The following BRINP3 variants were observed in gnomAD, a reference collection of about 807,000 sequenced individuals.
BRINP3 encodes BMP/retinoic acid-inducible neural-specific protein 3.
BRINP3 carries 19 observed loss-of-function variants against 71.0 expected under a neutral mutation model. The ratio of observed to expected loss-of-function variants is 0.27; its 90% CI spans 0.19 to 0.39. The LOEUF (loss-of-function observed/expected upper bound fraction) is 0.39. Among genes scored for constraint, BRINP3 ranks in the 10% least tolerant of loss-of-function variants. BRINP3 has a pLI of 1.00. For synonymous variants in BRINP3, 380 were observed against 337.7 expected (o/e 1.13, Z -1.37); for missense variants, 959 against 940.8 (o/e 1.02, Z -0.25).
intron 2 of BRINP3, among the ~76,000 whole-genome samples, chr1:190,361,480 G>A (rs867947761): frequency 1.3e-5 from 2 of 152,068 alleles, no homozygotes; most frequent in Middle Eastern, 3.4e-3. Context: ...TCAGTTCACT[G>A]CAACCCCCGC....
chr1:190,344,297 G>T (rs1054296687), intron 2 of BRINP3, among the ~76,000 whole-genome samples: 29 of 151,348 alleles, frequency 1.9e-4, no homozygotes, highest in Non-Finnish European at 3.2e-4. Flanking sequence ...TTTCAATTTC[G>T]AGCTCAGTAA....
rs528227625 is a variant in BRINP3, at chr1:190,422,620, G to A, written c.236+32035C>T. On this transcript the variant is annotated intron_variant, in intron 2 of 7. Transcript: ENST00000367462. ...GCTGCAGGATTTCTAGAATTTATAA[G>A]GGATGATTTTTCATCTGTAAGTAGC... 2.0e-5 allele frequency among the ~76,000 whole-genome samples: 3 copies of A among 151,814 alleles called. No homozygotes were observed. In the East Asian group the frequency reaches 5.8e-4, roughly 29 times the overall value.
At chr1:190,457,447 A>AAAACAC (rs1393347607) in intron 1 of BRINP3, among the ~76,000 whole-genome samples, 1 of 135,798 alleles carries the variant, frequency 7.4e-6, no homozygotes, top group East Asian at 2.2e-4. Context: ...CTGTCTCAAA[A>AAAACAC]AAACACAAAA....
chr1:190,262,955 G>T (rs779758342), intron 4 of BRINP3, among the ~76,000 whole-genome samples: 2 of 151,948 alleles, frequency 1.3e-5, no homozygotes, highest in African/African-American at 2.4e-5. Context: ...CTTCTCCTGT[G>T]GGAGAAGAGA....
intron 7 of BRINP3, chr1:190,153,987 A>C (rs1330488320): frequency 1.5e-6 from 1 of 656,870 alleles, no homozygotes; most frequent in East Asian, 1.4e-4. Context: ...TTCCTCTCAA[A>C]TAACAGTACA....
At chr1:190,449,725 T>G (rs557525600) in intron 2 of BRINP3, among the ~76,000 whole-genome samples, 2 of 152,148 alleles carry the variant, frequency 1.3e-5, no homozygotes, top group Non-Finnish European at 2.9e-5. Context: ...TGCACTGATA[T>G]GTAGTGGTTT....
At chr1:190,239,186 C>T (rs1658818092) in intron 4 of BRINP3, among the ~76,000 whole-genome samples, 2 of 152,202 alleles carry the variant, frequency 1.3e-5, no homozygotes, top group South Asian at 2.1e-4. Context: ...GTGGGGATTA[C>T]ATTTTGAGAT....
chr1:190,154,986 G>A (rs572990096), intron 7 of BRINP3, among the ~76,000 whole-genome samples: 2 of 152,220 alleles, frequency 1.3e-5, no homozygotes, highest in Admixed American at 1.3e-4. Context: ...AAGCATTCAA[G>A]TGAACAATAC....
intron 2 of BRINP3, among the ~76,000 whole-genome samples, chr1:190,452,008 A>AT (rs1238169824): frequency 5.9e-5 from 9 of 152,238 alleles, no homozygotes; most frequent in African/African-American, 1.4e-4. Context: ...GATGATAGTA[A>AT]TAATAAGCAC....
chr1:190,171,909 C>A (rs899523575), intron 6 of BRINP3, among the ~76,000 whole-genome samples: 25 of 151,710 alleles, frequency 1.6e-4, no homozygotes, highest in Non-Finnish European at 7.4e-5. Flanking sequence ...AAGTTTGAGA[C>A]CAGCCGGCGA....
chr1:190,435,458 C>T (rs924703814), intron 2 of BRINP3, among the ~76,000 whole-genome samples: 5 of 151,186 alleles, frequency 3.3e-5, no homozygotes, highest in African/African-American at 1.2e-4. Flanking sequence ...AACGTGAGAT[C>T]GAGCAGACCA....
intron 3 of BRINP3, among the ~76,000 whole-genome samples, chr1:190,276,851 T>C (rs555355030): frequency 1.3e-5 from 2 of 150,880 alleles, no homozygotes; most frequent in East Asian, 3.9e-4. Context: ...TCAAAATGTA[T>C]ATTATCTTAA....
At chr1:190,329,754 A>G (rs1452978819) in intron 2 of BRINP3, among the ~76,000 whole-genome samples, 1 of 152,050 alleles carries the variant, frequency 6.6e-6, no homozygotes, top group African/African-American at 2.4e-5. Context: ...AAACTATACT[A>G]CGAGGCCACA....
intron 6 of BRINP3, among the ~76,000 whole-genome samples, chr1:190,205,185 A>T (rs928000524): frequency 6.6e-6 from 1 of 151,868 alleles, no homozygotes; most frequent in African/African-American, 2.4e-5. Flanking sequence ...TGCAACATCC[A>T]TGTACTATAG....
chr1:190,295,253 T>C (rs1571661359), intron 2 of BRINP3, among the ~76,000 whole-genome samples: 2 of 152,206 alleles, frequency 1.3e-5, no homozygotes, highest in East Asian at 3.9e-4. Context: ...AGGATGGATC[T>C]AGAAGTGCCA....
At chr1:190,436,522 T>C (rs918860750) in intron 2 of BRINP3, among the ~76,000 whole-genome samples, 1 of 151,788 alleles carries the variant, frequency 6.6e-6, no homozygotes, top group African/African-American at 2.4e-5. Context: ...TGAAAGGAGA[T>C]CCAAATTTGC....
In BRINP3 at chr1:190,304,570, T is replaced by C. The variant is rs111295374; in HGVS notation, c.237-22820A>G. On this transcript the variant is annotated intron_variant, in intron 2 of 7. Coordinates refer to ENST00000367462, the MANE Select transcript of BRINP3 (RefSeq NM_199051.3). The stretch of plus-strand genomic sequence containing the variant: ...TGGCACTGGGAAAACGATATTATCA[T>C]GCAGATATATGAAATTAGATATTTA... 3.3e-3 allele frequency among the ~76,000 whole-genome samples: 500 copies of C among 151,920 alleles called. 5 individuals carry two copies. Among genetic ancestry groups the C allele is most frequent in the African/African-American group, 0.011 (471 of 41,508 alleles).
chr1:190,335,734 A>G (rs1667245566), intron 2 of BRINP3, among the ~76,000 whole-genome samples: 1 of 151,972 alleles, frequency 6.6e-6, no homozygotes, highest in Non-Finnish European at 1.5e-5. Context: ...ACATTACCTG[A>G]AAGAAATCAT....
At chr1:190,309,994 G>A (rs1665401796) in intron 2 of BRINP3, among the ~76,000 whole-genome samples, 1 of 151,626 alleles carries the variant, frequency 6.6e-6, no homozygotes, top group East Asian at 1.9e-4. Flanking sequence ...GTCTGCAGCT[G>A]GAATACATGG....
Sources: allele counts gnomAD v4.1 joint callset (sites outside exome capture counted in the v4.1 genomes callset), GRCh38; gene constraint gnomAD v4.1.1; transcripts MANE v1.5; gene names NCBI Gene and HGNC (gene_info 2026-07-23, HGNC 2026-07-21).